The following TMEM9 variants were observed in gnomAD, a reference collection of about 807,000 sequenced individuals.
TMEM9 encodes the protein transmembrane protein 9.
A neutral mutation model predicts 22.8 loss-of-function variants in TMEM9; 13 were observed. The observed-to-expected ratio is 0.57, with a 90% CI of 0.37 to 0.91. The LOEUF (loss-of-function observed/expected upper bound fraction) is 0.91. TMEM9 is among the 40% of genes least tolerant of loss of function. The pLI is 0.01. For synonymous variants in TMEM9, 88 were observed against 93.0 expected (o/e 0.95, Z 0.31); for missense variants, 182 against 238.1 (o/e 0.76, Z 1.55).
chr1:201,150,650 C>T (rs929547395), intron 2 of TMEM9, among the ~76,000 whole-genome samples: 6 of 152,212 alleles, frequency 3.9e-5, no homozygotes, highest in Non-Finnish European at 7.3e-5. Flanking sequence ...AAATCACCGA[C>T]AGTCTCAGAG....
rs528314216 is a variant in TMEM9 at position 201,168,164 on chromosome 1, T to C, written c.-37+3326A>G. On this transcript the variant is annotated intron_variant, in intron 1 of 5. Coordinates refer to the TMEM9 transcript ENST00000367333. ...ACCACGATTCACTTATCCATTCTAT[T>C]GCAGCTGGACATTTGCATTGTTTTC... Among the ~76,000 whole-genome samples, 21 of 152,372 alleles carry C rather than the reference T, an allele frequency of 1.4e-4. No individual in the cohort carries two copies. In the South Asian group the frequency reaches 4.3e-3, roughly 32 times the overall value.
chr1:201,170,103 G>A (rs555164155), intron 1 of TMEM9, among the ~76,000 whole-genome samples: 3 of 152,320 alleles, frequency 2.0e-5, no homozygotes, highest in Admixed American at 1.3e-4. Flanking sequence ...CTTGAAGAAG[G>A]CAGAAACCAG....
chr1:201,138,308 T>C (rs575473746), intron 4 of TMEM9, among the ~76,000 whole-genome samples: 28 of 152,338 alleles, frequency 1.8e-4, no homozygotes, highest in Non-Finnish European at 3.7e-4. Context: ...TCCCTTCATG[T>C]AAAGTCTTAA....
intron 4 of TMEM9, among the ~76,000 whole-genome samples, chr1:201,141,571 T>C (rs192200593): frequency 2.6e-5 from 4 of 152,154 alleles, no homozygotes; most frequent in South Asian, 2.1e-4. Context: ...CAACTTTTTA[T>C]GAGCTTTTAG....
intron 2 of TMEM9, 167 bp from the exon 3 acceptor site, chr1:201,147,015 C>A: frequency 1.6e-6 from 1 of 623,966 alleles, no homozygotes; most frequent in Non-Finnish European, 2.8e-6. Context: ...GGCAGAAACC[C>A]TTCCTAACCC....
intron 3 of TMEM9, 84 bp downstream of exon 3, chr1:201,146,656 G>T: frequency 1.4e-6 from 2 of 1,388,780 alleles, no homozygotes; most frequent in Non-Finnish European, 2.0e-6. Context: ...CCAGAATAAA[G>T]TGAAAAACTG....
In TMEM9 at chr1:201,150,972, A is replaced by C. The variant is rs554930914; in HGVS notation, c.158+789T>G. On this transcript the variant is annotated intron_variant, in intron 2 of 4. Transcript: ENST00000367330. ...GGCTCCCAAAACTGCCTAGATTAGA[A>C]ATGCTCCCTCAACTCATGCTTAAGT... Among the ~76,000 whole-genome samples the C allele has an allele frequency of 1.8e-4, 28 of 152,148 alleles. No individual in the cohort carries two copies. In the East Asian group the frequency reaches 5.2e-3, roughly 28 times the overall value.
At chr1:201,164,963 G>A (rs1039273963) in intron 1 of TMEM9, among the ~76,000 whole-genome samples, 1 of 151,724 alleles carries the variant, frequency 6.6e-6, no homozygotes, top group Non-Finnish European at 1.5e-5. Flanking sequence ...TAGGGAGGGT[G>A]AGATACCGTA....
chr1:201,166,120 C>G (rs1337810320), intron 1 of TMEM9, among the ~76,000 whole-genome samples: 1 of 152,178 alleles, frequency 6.6e-6, no homozygotes, highest in Non-Finnish European at 1.5e-5. Context: ...AAATCCCCGG[C>G]AAACCTTTGT....
intron 1 of TMEM9, among the ~76,000 whole-genome samples, chr1:201,163,566 G>A (rs1005514799): frequency 6.6e-6 from 1 of 151,958 alleles, no homozygotes; most frequent in Non-Finnish European, 1.5e-5. Flanking sequence ...CTCCAACCTG[G>A]GTGACGGAGT....
At chr1:201,140,533 G>T (rs780126346) in intron 4 of TMEM9, among the ~76,000 whole-genome samples, 1 of 152,176 alleles carries the variant, frequency 6.6e-6, no homozygotes, top group Non-Finnish European at 1.5e-5. Context: ...CTCCATGAAC[G>T]GGGCTGAGGC....
At chr1:201,150,967 T>G (rs762924918) in intron 2 of TMEM9, among the ~76,000 whole-genome samples, 2 of 152,126 alleles carry the variant, frequency 1.3e-5, no homozygotes, top group Non-Finnish European at 2.9e-5. Context: ...ACTGCCTAGA[T>G]TAGAAATGCT....
intron 3 of TMEM9, among the ~76,000 whole-genome samples, chr1:201,146,331 T>C (rs923355947): frequency 1.3e-5 from 2 of 152,208 alleles, no homozygotes; most frequent in African/African-American, 4.8e-5. Context: ...CTTAGTCACT[T>C]TGGAAGCTTA....
chr1:201,138,919 C>T (rs1664252646), intron 4 of TMEM9, among the ~76,000 whole-genome samples: 1 of 152,184 alleles, frequency 6.6e-6, no homozygotes, highest in Non-Finnish European at 1.5e-5. Flanking sequence ...CCAGCATGGA[C>T]AACCAAAGAG....
Position 201,161,621 on chromosome 1 carries a change from C to T in TMEM9, c.-36-7662G>A, listed in dbSNP as rs984646894. 2.0e-5 allele frequency among the ~76,000 whole-genome samples: 3 copies of T among 152,314 alleles called. No homozygotes were observed. In the South Asian group the frequency reaches 6.2e-4, roughly 32 times the overall value. On this transcript the variant is annotated intron_variant, in intron 1 of 5. Transcript: ENST00000367333. Reference sequence around the variant, plus strand: ...AAGTAAATGAAATAGGCATATTTTACTTCAGGACTTTTCAGATGCTTTGAT... The same window carrying T: ...AAGTAAATGAAATAGGCATATTTTATTTCAGGACTTTTCAGATGCTTTGAT...
chr1:201,141,305 T>G (rs1418841565), intron 4 of TMEM9, among the ~76,000 whole-genome samples: 1 of 152,184 alleles, frequency 6.6e-6, no homozygotes, highest in Non-Finnish European at 1.5e-5. Context: ...ATAAGGTCTG[T>G]GCAAATCTCA....
At chr1:201,161,583 T>A (rs1054552057) in intron 1 of TMEM9, among the ~76,000 whole-genome samples, 3 of 152,222 alleles carry the variant, frequency 2.0e-5, no homozygotes, top group Non-Finnish European at 2.9e-5. Flanking sequence ...ATAAATTAGT[T>A]CGGGGAACCT....
intron 2 of TMEM9, among the ~76,000 whole-genome samples, chr1:201,149,311 C>T (rs1003719128): frequency 1.3e-5 from 2 of 152,166 alleles, no homozygotes; most frequent in Non-Finnish European, 2.9e-5. Context: ...AACCACTGTA[C>T]GGTGGGGTGG....
rs761119956 is a variant in TMEM9 at position 201,146,861 on chromosome 1, G to A, written c.159-13C>T. 7 of 1,613,064 alleles carry A rather than the reference G, an allele frequency of 4.3e-6. No individual in the cohort carries two copies. The Admixed American group carries it at 1.2e-4, about 27-fold the overall frequency. On this transcript the variant is annotated splice_polypyrimidine_tract_variant and intron_variant, in intron 2 of 4. Coordinates refer to ENST00000367330, the MANE Select transcript of TMEM9 (RefSeq NM_001288565.2). The stretch of plus-strand genomic sequence containing the variant: ...GTGCAGGCAGTTGCTACAACAGAGA[G>A]AGACAGGGCTGTCGAGGCAGGGCCA...
Sources: gnomAD v4.1 joint callset for allele counts (sites outside exome capture counted in the v4.1 genomes callset) on GRCh38, gnomAD v4.1.1 for gene constraint, MANE v1.5 for transcripts, NCBI Gene and HGNC (gene_info 2026-07-23, HGNC 2026-07-21) for gene names.